The following LATS2 variants were observed in gnomAD, a reference collection of about 807,000 sequenced individuals.
The protein encoded by LATS2 is serine/threonine-protein kinase LATS2.
In LATS2, 24 loss-of-function variants were observed where a neutral mutation model predicts 76.0. That is an observed-to-expected ratio of 0.32 (90% CI 0.23 to 0.44). The LOEUF is 0.44. Ranked by LOEUF, LATS2 falls within the 20% of genes least tolerant of loss-of-function variation. LATS2 has a pLI of 1.00. For missense variants in LATS2, 1,286 were observed against 1,481.2 expected (o/e 0.87, Z 2.16); for synonymous variants, 692 against 635.4 (o/e 1.09, Z -1.34).
chr13:21,050,381 G>C (rs533178681), intron 1 of LATS2, among the ~76,000 whole-genome samples: 1 of 152,044 alleles, frequency 6.6e-6, no homozygotes, highest in African/African-American at 2.4e-5. Flanking sequence ...GGCCCCCACA[G>C]ACCAAGGGGA....
intron 1 of LATS2, among the ~76,000 whole-genome samples, chr13:21,054,409 A>G (rs1330522989): frequency 6.6e-6 from 1 of 152,188 alleles, no homozygotes; most frequent in Non-Finnish European, 1.5e-5. Context: ...CTCCACCTCA[A>G]AAAGAAAAAA....
In LATS2 at chr13:20,983,371, T is replaced by C. The variant is rs1869987715; in HGVS notation, c.2335A>G (p.Ile779Val). The C allele has an allele frequency of 6.2e-7, 1 of 1,614,110 alleles. No individual in the cohort carries two copies. The highest frequency in any genetic ancestry group is 1.7e-5 in the Admixed American group (1 of 60,014). The change falls in exon 5 of 8, where the codon ATT (isoleucine) becomes GTT (valine). Residue 779 changes from isoleucine (I) to valine (V), a missense_variant. Ile to Val is a conservative substitution (Grantham distance 29). Transcript: ENST00000382592. ...AAGCCCATCTTGTGGACACTCTCAA[T>C]GGCCAAAGTCAGCTCTGCGATGTAG... ...RFYIAELTLA[I>V]ESVHKMGFIH...
At position 20,983,486 on chromosome 13, in the gene LATS2, G is replaced by A; in HGVS notation, c.2220C>T (p.Ser740=). The A allele has an allele frequency of 6.2e-7, 1 of 1,614,044 alleles. No individual in the cohort carries two copies. Among genetic ancestry groups the A allele is most frequent in the African/African-American group, 1.3e-5 (1 of 75,004 alleles). Residue 740 remains serine, a synonymous_variant, in exon 5 of 8, where the codon AGC becomes AGT. Coordinates refer to ENST00000382592, the MANE Select transcript of LATS2 (RefSeq NM_014572.3). ...GGATGTAGTCCATCACAAAGTACAG[G>A]CTGTCTTTGTCTTGGAAGGAGTAGT... is the stretch of plus-strand genomic sequence containing the variant. ...KLYYSFQDKD[S]LYFVMDYIPG... is the part of the protein sequence containing the mutation.
intron 1 of LATS2, among the ~76,000 whole-genome samples, chr13:21,054,210 G>A (rs955911101): frequency 1.3e-5 from 2 of 152,094 alleles, no homozygotes; most frequent in Non-Finnish European, 2.9e-5. Context: ...TAGCACTTTG[G>A]GAGCTGGAGG....
intron 2 of LATS2, among the ~76,000 whole-genome samples, chr13:21,040,162 G>GT (rs1565962993): frequency 6.6e-6 from 1 of 151,970 alleles, no homozygotes. Flanking sequence ...TGAGGCAGGC[G>GT]TATCGCTTCA....
At position 20,988,317 on chromosome 13, in the gene LATS2, T is replaced by A. The variant is rs775135313; in HGVS notation, c.1463A>T (p.Glu488Val). 1 of 1,478,514 alleles carries A rather than the reference T, an allele frequency of 6.8e-7. No individual in the cohort carries two copies. The highest frequency in any genetic ancestry group is 2.5e-5 in the East Asian group (1 of 40,514). The allele number at this position is 1,478,514 out of a possible 1,614,324, so 91.6% of individuals were successfully genotyped here. The change falls in exon 4 of 8, where the codon GAG (glutamate) becomes GTG (valine). Residue 488 changes from glutamate to valine, a missense_variant. Glu to Val is a moderately radical substitution (Grantham distance 121, BLOSUM62 -2). Around this residue, in one of 5 missense-constraint regions of LATS2, gnomAD observed 710 missense variants for 660.9 expected, o/e 1.07. Coordinates refer to ENST00000382592, the MANE Select transcript of LATS2 (RefSeq NM_014572.3). The part of the protein sequence containing the change: ...APAAEGLDAK[E>V]EHALALGGAG... ...GCCGCCCAGCGCCAGGGCATGCTCCTCCTTGGCGTCCAAGCCCTCCGCAGC... is the reference window on the plus strand; with the variant it reads ...GCCGCCCAGCGCCAGGGCATGCTCCACCTTGGCGTCCAAGCCCTCCGCAGC...
rs1595264033 is a variant in LATS2, at chr13:21,061,558, C to A, written c.-417G>T. The A allele has an allele frequency of 6.6e-6, 1 of 152,654 alleles. No homozygotes were observed. The highest frequency in any genetic ancestry group is 2.4e-5 in the African/African-American group (1 of 41,450). The allele number at this position is 152,654 out of a possible 1,614,324, so 9.5% of individuals were successfully genotyped here. ...AAAGCGCAGACCCAAGTGGGACATT[C>A]GCTACATTGTTGGCATTCCACGGGC... On this transcript the variant is annotated 5_prime_UTR_variant, in exon 1 of 8. Transcript: ENST00000382592.
intron 2 of LATS2, among the ~76,000 whole-genome samples, chr13:21,007,748 A>AGTG (rs1487221399): frequency 1.8e-4 from 1 of 5,538 alleles, no homozygotes; most frequent in Non-Finnish European, 3.4e-4. Flanking sequence ...ATATATATAT[A>AGTG]TATATATATA....
intron 1 of LATS2, among the ~76,000 whole-genome samples, chr13:21,054,432 T>G (rs1033048757): frequency 3.9e-5 from 6 of 151,916 alleles, no homozygotes; most frequent in African/African-American, 1.5e-4. Flanking sequence ...TTTAAATAAA[T>G]AAATAAACAT....
rs1051866612 is a variant in LATS2, at chr13:20,973,979, C to CG, written c.*890_*891insC. ...ATGACAAATGTTTCAGTTCCCCCCC[C>CG]CCAAAGAATCCAATCACAACCAAGA... On this transcript the variant is annotated 3_prime_UTR_variant, in exon 8 of 8. Coordinates refer to ENST00000382592, the MANE Select transcript of LATS2 (RefSeq NM_014572.3). The CG allele has an allele frequency of 1.0e-5, 2 of 200,716 alleles. No individual in the cohort carries two copies. The highest frequency in any genetic ancestry group is 4.8e-5 in the African/African-American group (2 of 41,480). The allele number at this position is 200,716 out of a possible 1,614,324, so 12.4% of individuals were successfully genotyped here.
chr13:20,985,488 C>T (rs1870099881), intron 4 of LATS2, among the ~76,000 whole-genome samples: 1 of 152,226 alleles, frequency 6.6e-6, no homozygotes, highest in Non-Finnish European at 1.5e-5. Flanking sequence ...CCTGTAATCC[C>T]AGCACTTTGG....
At chr13:21,022,710 T>C (rs554221066) in intron 2 of LATS2, among the ~76,000 whole-genome samples, 1 of 152,194 alleles carries the variant, frequency 6.6e-6, no homozygotes, top group South Asian at 2.1e-4. Flanking sequence ...ATGAGGACTA[T>C]GAAGCAAACA....
At chr13:20,976,120 C>T (rs1459321379) in intron 7 of LATS2, among the ~76,000 whole-genome samples, 1 of 149,856 alleles carries the variant, frequency 6.7e-6, no homozygotes, top group African/African-American at 2.5e-5. Context: ...GCCATCTGGA[C>T]GTTCAGTAAA....
In LATS2 at chr13:20,973,921, A is replaced by G. The variant is rs1869456708; in HGVS notation, c.*949T>C. ...TGATTAAACTTTTTGGCATCGCTGT[A>G]TTAATCCCTTTTGATGTATATAAGT... On this transcript the variant is annotated 3_prime_UTR_variant, in exon 8 of 8. Transcript: ENST00000382592. 4.6e-6 allele frequency: 1 copy of G among 219,742 alleles called. No homozygotes were observed. The highest frequency in any genetic ancestry group is 9.1e-6 in the Non-Finnish European group (1 of 110,408). The allele number at this position is 219,742 out of a possible 1,614,324, so 13.6% of individuals were successfully genotyped here. A position where few individuals can be genotyped will look rare whatever the true frequency, so the allele number is the denominator to read the frequency against.
chr13:20,981,488 T>C lies in LATS2; in HGVS notation c.2643A>G (p.Ala881=). ...HSLVGTPNYI[A]PEVLLRKGYT... is the part of the protein sequence containing the mutation. ...TACCTTTGCGGAGGAGCACCTCGGG[T>C]GCGATGTAGTTTGGAGTCCCCACCA... Residue 881 remains alanine (A), a synonymous_variant, in exon 6 of 8, where the codon GCA becomes GCG. Coordinates refer to ENST00000382592, the MANE Select transcript of LATS2 (RefSeq NM_014572.3). 1.9e-6 allele frequency: 3 copies of C among 1,613,862 alleles called. No individual in the cohort carries two copies. The highest frequency in any genetic ancestry group is 2.5e-6 in the Non-Finnish European group (3 of 1,179,920).
At chr13:21,000,138 T>G (rs1870977053) in intron 2 of LATS2, among the ~76,000 whole-genome samples, 1 of 152,128 alleles carries the variant, frequency 6.6e-6, no homozygotes, top group Non-Finnish European at 1.5e-5. Flanking sequence ...TCCCAACACT[T>G]TGGGAAGCCG....
chr13:21,036,897 C>T (rs1200308832), intron 2 of LATS2, among the ~76,000 whole-genome samples: 1 of 152,098 alleles, frequency 6.6e-6, no homozygotes, highest in African/African-American at 2.4e-5. Flanking sequence ...AGTATAAATT[C>T]AATTGAATGA....
intron 2 of LATS2, among the ~76,000 whole-genome samples, chr13:21,017,609 G>T (rs1224652177): frequency 6.9e-6 from 1 of 144,042 alleles, no homozygotes. Flanking sequence ...CCCTTCAAAA[G>T]ATGACTCATT....
intron 4 of LATS2, among the ~76,000 whole-genome samples, 177 bp from the exon 5 acceptor site, chr13:20,983,983 T>C (rs540758627): frequency 5.3e-5 from 8 of 152,148 alleles, no homozygotes; most frequent in Non-Finnish European, 1.2e-4. Flanking sequence ...TAGGCTGGAG[T>C]GCAGTGGCAC....
Sources: allele counts gnomAD v4.1 joint callset (sites outside exome capture counted in the v4.1 genomes callset), GRCh38; gene constraint gnomAD v4.1.1; regional missense constraint gnomAD v4.1.1; transcripts MANE v1.5; gene names NCBI Gene and HGNC (gene_info 2026-07-23, HGNC 2026-07-21).